CHRNA5: variants seen among roughly 807,000 people sequenced by gnomAD.
CHRNA5 encodes the protein neuronal acetylcholine receptor subunit alpha-5.
CHRNA5 carries 28 observed loss-of-function variants against 41.2 expected under a neutral mutation model. That is an observed-to-expected ratio of 0.68 (90% confidence interval 0.50 to 0.93). CHRNA5 has a LOEUF of 0.93. CHRNA5 is among the 40% of genes least tolerant of loss of function. The pLI is 0.00. For synonymous variants in CHRNA5, 188 were observed against 205.8 expected, an observed-to-expected ratio of 0.91 and a Z score of 0.74; for missense variants, 481 against 581.9, an observed-to-expected ratio of 0.83 and a Z score of 1.78.
exon 2 of CHRNA5, chr15:78,580,831 A>G (rs1472743717): frequency 7.4e-6 from 12 of 1,612,652 alleles, no homozygotes; most frequent in Admixed American, 3.3e-5. Context: ...ACCTTCTTCT[A>G]TTGCAAAACA....
chr15:78,589,487 T>G, intron 4 of CHRNA5: 2 of 216,390 alleles, frequency 9.2e-6, no homozygotes, highest in Non-Finnish European at 1.8e-5. Context: ...TGCGTGCCCA[T>G]TGTGTCAATA....
At chr15:78,587,539 A>G (rs916069666) in intron 3 of CHRNA5, among the ~76,000 whole-genome samples, 2 of 152,098 alleles carry the variant, frequency 1.3e-5, no homozygotes, top group Non-Finnish European at 2.9e-5. Flanking sequence ...TGAGAGAACC[A>G]TTGGGGAGAG....
At chr15:78,584,989 G>A (rs1033527551) in intron 2 of CHRNA5, among the ~76,000 whole-genome samples, 6 of 152,054 alleles carry the variant, frequency 3.9e-5, no homozygotes, top group African/African-American at 1.4e-4. Context: ...ACATGATCTT[G>A]GCTCACTACA....
intron 1 of CHRNA5, 73 bp downstream of exon 1, chr15:78,565,898 AGGCGACGGCCGCCG>A: frequency 1.1e-6 from 1 of 940,088 alleles, no homozygotes; most frequent in Non-Finnish European, 1.4e-6. Flanking sequence ...GGAAGCCGCC[AGGCGACGGCCGCCG>A]GAAAACCTGG....
At chr15:78,595,202 C>T in exon 6 of CHRNA5, 1 of 779,410 alleles carries the variant, frequency 1.3e-6, no homozygotes, top group Non-Finnish European at 1.6e-6. Flanking sequence ...AGTTCGTATA[C>T]ATCCCTGATC....
chr15:78,577,859 A>G, intron 1 of CHRNA5, among the ~76,000 whole-genome samples: 1 of 148,890 alleles, frequency 6.7e-6, no homozygotes, highest in African/African-American at 2.5e-5. Context: ...TGAGTCCAGG[A>G]GGTTGAGGCT....
At chr15:78,580,275 G>A (rs1451480618) in intron 1 of CHRNA5, among the ~76,000 whole-genome samples, 2 of 57,736 alleles carry the variant, frequency 3.5e-5, no homozygotes, top group African/African-American at 1.3e-4. Flanking sequence ...GCAGGACTCC[G>A]TCTCAAAAAA....
intron 2 of CHRNA5, among the ~76,000 whole-genome samples, chr15:78,583,626 C>T (rs1198105545): frequency 1.3e-5 from 2 of 150,664 alleles, no homozygotes; most frequent in East Asian, 2.0e-4. Context: ...ACCTGGGAGG[C>T]GGAGCTTGCA....
chr15:78,588,557 G>GTA lies in CHRNA5; in HGVS notation c.413+136_413+137dup, dbSNP rs982928064. The GTA allele has an allele frequency of 1.1e-5, 5 of 475,580 alleles. No homozygotes were observed. The highest frequency in any genetic ancestry group is 1.5e-5 in the Non-Finnish European group (4 of 270,076). The allele number at this position is 475,580 out of a possible 1,614,324, so 29.5% of individuals were successfully genotyped here. ...AAATGACATGACCGCATGTGCCTGG[G>GTA]TATGATTACATGTTTTATAGATGAG... On this transcript the variant is annotated intron_variant, in intron 4 of 5. Coordinates refer to ENST00000299565, the Ensembl canonical transcript of CHRNA5. This position sits in a 1 kb window ranked among gnomAD's most constrained non-coding sequence, Gnocchi z 4.1.
intron 1 of CHRNA5, among the ~76,000 whole-genome samples, chr15:78,575,471 G>A (rs1195170617): frequency 1.3e-5 from 2 of 152,058 alleles, no homozygotes; most frequent in Non-Finnish European, 2.9e-5. Context: ...CTATTAGCAG[G>A]TTGTATTATA....
intron 1 of CHRNA5, among the ~76,000 whole-genome samples, chr15:78,572,462 T>G (rs1489121700): frequency 1.3e-5 from 2 of 152,134 alleles, no homozygotes; most frequent in African/African-American, 4.8e-5. Flanking sequence ...GTATATAGTT[T>G]ATATAGTTGT....
chr15:78,574,145 C>G (rs1331286905), intron 1 of CHRNA5, among the ~76,000 whole-genome samples: 3 of 151,022 alleles, frequency 2.0e-5, no homozygotes, highest in African/African-American at 7.3e-5. Flanking sequence ...CAGGGGGAGG[C>G]CAAGGCGGGC....
intron 5 of CHRNA5, chr15:78,590,897 A>G (rs1251443694): frequency 2.3e-6 from 1 of 443,744 alleles, no homozygotes; most frequent in Non-Finnish European, 4.0e-6. Flanking sequence ...AAGAAAATTT[A>G]GTGTTATATT....
chr15:78,582,492 AAAAGAAAAG>A (rs1305557164), intron 2 of CHRNA5, among the ~76,000 whole-genome samples: 2 of 77,522 alleles, frequency 2.6e-5, no homozygotes, highest in African/African-American at 4.0e-5. Context: ...CTCAAAAAAA[AAAAGAAAAG>A]AAAAGAAAAA....
chr15:78,570,659 T>C (rs954883526), intron 1 of CHRNA5, among the ~76,000 whole-genome samples: 2 of 152,072 alleles, frequency 1.3e-5, no homozygotes, highest in Non-Finnish European at 2.9e-5. Context: ...AAAATAGGAG[T>C]TAAATATGAA....
In CHRNA5 at chr15:78,575,728, T is replaced by G. The variant is rs142388711; in HGVS notation, c.107-5083T>G. ...TTATATCTACACTGTTAGCTAATCC[T>G]TACAATGACCTCATAAGGGAGGTAC... On this transcript the variant is annotated intron_variant, in intron 1 of 5. Transcript: ENST00000299565. 8.7e-3 allele frequency among the ~76,000 whole-genome samples: 1,320 copies of G among 152,344 alleles called. 11 individuals are homozygous for G. The highest frequency in any genetic ancestry group is 0.016 in the Non-Finnish European group (1,074 of 68,024).
intron 1 of CHRNA5, among the ~76,000 whole-genome samples, chr15:78,566,254 TCCTC>T: frequency 6.6e-6 from 1 of 152,188 alleles, no homozygotes; most frequent in Middle Eastern, 3.4e-3. Flanking sequence ...CGCCGCCTCT[TCCTC>T]CATCCCTGTC....
At chr15:78,593,252 G>A (rs202044161) in exon 6 of CHRNA5, 8 of 1,608,892 alleles carry the variant, frequency 5.0e-6, no homozygotes, top group South Asian at 2.2e-5. Flanking sequence ...GCAAATAAGT[G>A]AAGCCTCCCA....
At chr15:78,565,665 TC>T in exon 1 of CHRNA5, 1 of 616,818 alleles carries the variant, frequency 1.6e-6, no homozygotes, top group Non-Finnish European at 2.2e-6. Flanking sequence ...GAGTTCGCGT[TC>T]CCCGCGCGGC....
Sources: allele counts gnomAD v4.1 joint callset (sites outside exome capture counted in the v4.1 genomes callset), GRCh38; gene constraint gnomAD v4.1.1; non-coding constraint Gnocchi (gnomAD v3.1); transcripts MANE v1.5; gene names NCBI Gene and HGNC (gene_info 2026-07-23, HGNC 2026-07-21).